Variants in ZFP36L1 observed in about 807,000 individuals in gnomAD.
ZFP36L1 encodes ZFP36 like 1 zinc finger CCCH-type.
A neutral mutation model predicts 16.7 loss-of-function variants in ZFP36L1; 4 were observed. The ratio of observed to expected loss-of-function variants is 0.24; its 90% CI spans 0.12 to 0.55. The LOEUF is 0.55. Ranked by LOEUF, ZFP36L1 falls within the 20% of genes least tolerant of loss-of-function variation. ZFP36L1 has a pLI of 0.94. For missense variants in ZFP36L1, 311 were observed against 449.2 expected, an observed-to-expected ratio of 0.69 and a Z score of 2.78; for synonymous variants, 220 against 190.8, an observed-to-expected ratio of 1.15 and a Z score of -1.26.
Position 68,793,046 on chromosome 14 carries a change from C to T in ZFP36L1, c.-108G>A. 1 of 1,595,544 alleles carries T rather than the reference C, an allele frequency of 6.3e-7. No individual in the cohort carries two copies. The highest frequency in any genetic ancestry group is 8.5e-7 in the Non-Finnish European group (1 of 1,174,404). Reference sequence around the variant, plus strand: ...TGGAGTCCCACACGCCAGTTCCCGGCGCCCCTCGCCTTTCTGACTCCGGGC... The same window carrying T: ...TGGAGTCCCACACGCCAGTTCCCGGTGCCCCTCGCCTTTCTGACTCCGGGC... On this transcript the variant is annotated 5_prime_UTR_variant, in exon 1 of 2. Transcript: ENST00000439696.
chr14:68,790,919 C>T (rs1895050847), intron 1 of ZFP36L1: 1 of 555,540 alleles, frequency 1.8e-6, no homozygotes, highest in Non-Finnish European at 3.2e-6. Flanking sequence ...AGGAGTCTAT[C>T]ATAGGCTACG....
At position 68,789,367 on chromosome 14, in the gene ZFP36L1, T is replaced by C; in HGVS notation, c.*166A>G. 1 of 974,342 alleles carries C rather than the reference T, an allele frequency of 1.0e-6. No homozygotes were observed. 60.4% of individuals were successfully genotyped at this position (974,342 alleles called of 1,614,324 possible). A position where few individuals can be genotyped will look rare whatever the true frequency, so the allele number is the denominator to read the frequency against. On this transcript the variant is annotated 3_prime_UTR_variant, in exon 2 of 2. Transcript: ENST00000439696. This position sits in a 1 kb window ranked among gnomAD's most constrained non-coding sequence, Gnocchi z 4.5. ...CTTGTCCTTATGTTAGGTGGGGTTA[T>C]GAGGGGGAGAGGGAGGGCACATTCT...
chr14:68,791,252 G>C (rs1425135111), intron 1 of ZFP36L1: 3 of 552,570 alleles, frequency 5.4e-6, no homozygotes, highest in Non-Finnish European at 9.6e-6. Context: ...TTAGTCTTTT[G>C]GCTGCAAGAG....
Position 68,792,974 on chromosome 14 carries a change from G to C in ZFP36L1, c.-36C>G. The stretch of plus-strand genomic sequence containing the variant: ...CGCGCGAGCCAGGGGCGAGGATCTG[G>C]TGTGTCGCGAAGGTCCCGGTGCGGG... On this transcript the variant is annotated 5_prime_UTR_variant, in exon 1 of 2. Transcript: ENST00000439696. The C allele has an allele frequency of 1.9e-6, 3 of 1,612,996 alleles. No individual in the cohort carries two copies. The highest frequency in any genetic ancestry group is 2.5e-6 in the Non-Finnish European group (3 of 1,179,806).
upstream of ZFP36L1, chr14:68,796,118 T>C (rs1261950897): frequency 7.3e-7 from 1 of 1,364,852 alleles, no homozygotes; most frequent in East Asian, 4.5e-5. Flanking sequence ...CCGGCTCCTC[T>C]GTCCCAGGCC....
chr14:68,792,882 CT>C lies in ZFP36L1; in HGVS notation c.56del (p.Lys19ArgfsTer61). On this transcript the variant is annotated frameshift_variant and splice_region_variant, in exon 1 of 2. Transcript: ENST00000439696. LOFTEE classifies it high-confidence loss of function. ...AAGCAAATGCTCCGCCCCCCTTTAC[CT>C]TGCATAAAACTTCGCTCAAGTCGAA... ...TIFDLSEVLCKGNKMLNYSAP... is the reference protein window; with the variant it reads ...TIFDLSEVLCXGNKMLNYSAP... The C allele has an allele frequency of 6.2e-7, 1 of 1,614,116 alleles. No homozygotes were observed. The highest frequency in any genetic ancestry group is 8.5e-7 in the Non-Finnish European group (1 of 1,179,986).
upstream of ZFP36L1, chr14:68,795,839 C>T (rs571444919): frequency 5.5e-6 from 3 of 543,180 alleles, no homozygotes; most frequent in African/African-American, 3.8e-5. Flanking sequence ...GAGGAGGGAG[C>T]GAGTCCCTTA....
In ZFP36L1 at chr14:68,790,358, C is replaced by G. The variant is rs1300704659; in HGVS notation, c.192G>C (p.Gln64His). The G allele has an allele frequency of 6.2e-7, 1 of 1,613,074 alleles. No individual in the cohort carries two copies. Among genetic ancestry groups the G allele is most frequent in the Non-Finnish European group, 8.5e-7 (1 of 1,179,684 alleles). ...CCTTGAGGCTGCTGAGGAGCTGGTTCTGGTGGAACTTGGAGCTGGGCAGGG... is the reference window on the plus strand; with the variant it reads ...CCTTGAGGCTGCTGAGGAGCTGGTTGTGGTGGAACTTGGAGCTGGGCAGGG... Reference protein sequence around the residue: ...SVTLPSSKFHQNQLLSSLKGE... With the variant: ...SVTLPSSKFHHNQLLSSLKGE... Residue 64 changes from glutamine to histidine, a missense_variant, in exon 2 of 2, where the codon CAG (glutamine) becomes CAC (histidine). By Grantham distance (24) the Gln-to-His change is conservative (BLOSUM62 0). This residue lies in a region of ZFP36L1 where 137 missense variants were observed against 142.6 expected (regional missense o/e 0.96). Transcript: ENST00000439696.
intron 1 of ZFP36L1, chr14:68,790,896 G>A (rs772832283): frequency 7.1e-6 from 4 of 560,748 alleles, no homozygotes; most frequent in South Asian, 2.3e-5. Context: ...ACAAAAACAG[G>A]TAAACCTCAG....
chr14:68,790,317 G>C lies in ZFP36L1; in HGVS notation c.233C>G (p.Ala78Gly), dbSNP rs137926803. ...GAAGCGGCTGTCTCGCGAGCTCAGA[G>C]CGGGGGCTGGCTCACCCTTGAGGCT... ...LSSLKGEPAP[A>G]LSSRDSRFRD... Residue 78 changes from alanine to glycine, a missense_variant, in exon 2 of 2, where the codon GCT becomes GGT. Ala to Gly is a moderately conservative substitution (Grantham distance 60). This residue lies in a region of ZFP36L1 where 137 missense variants were observed against 142.6 expected (regional missense o/e 0.96). Coordinates refer to ENST00000439696, the MANE Select transcript of ZFP36L1 (RefSeq NM_004926.4). 1 of 1,610,316 alleles carries C rather than the reference G, an allele frequency of 6.2e-7. No individual in the cohort carries two copies. The highest frequency in any genetic ancestry group is 1.3e-5 in the African/African-American group (1 of 75,040).
chr14:68,789,361 G>A lies in ZFP36L1; in HGVS notation c.*172C>T. 1.1e-6 allele frequency: 1 copy of A among 914,364 alleles called. No homozygotes were observed. Among genetic ancestry groups the A allele is most frequent in the Admixed American group, 2.9e-5 (1 of 34,698 alleles). The allele number at this position is 914,364 out of a possible 1,614,324, so 56.6% of individuals were successfully genotyped here. On this transcript the variant is annotated 3_prime_UTR_variant, in exon 2 of 2. Transcript: ENST00000439696. The surrounding 1 kb of genome is among the most constrained non-coding windows in gnomAD (Gnocchi z 4.5). The stretch of plus-strand genomic sequence containing the variant: ...AATTGACTTGTCCTTATGTTAGGTG[G>A]GGTTATGAGGGGGAGAGGGAGGGCA...
At chr14:68,792,154 T>G (rs1039895686) in intron 1 of ZFP36L1, among the ~76,000 whole-genome samples, 2 of 152,040 alleles carry the variant, frequency 1.3e-5, no homozygotes, top group Non-Finnish European at 2.9e-5. Flanking sequence ...CGCGGGACTC[T>G]CGAGTTCAAG....
chr14:68,791,135 C>A (rs1392766859), intron 1 of ZFP36L1: 2 of 694,100 alleles, frequency 2.9e-6, no homozygotes, highest in East Asian at 5.4e-5. Flanking sequence ...AAATAAAACT[C>A]TTTGCCCTAA....
In ZFP36L1 at chr14:68,790,512, G is replaced by C; in HGVS notation, c.58-20C>G. ...GTTACCCTGGAGAGAGAAGAGAAAG[G>C]ATGGTAAGGACAGAGGACATCCACC... On this transcript the variant is annotated intron_variant, in intron 1 of 1. Coordinates refer to ENST00000439696, the MANE Select transcript of ZFP36L1 (RefSeq NM_004926.4). 3 of 1,613,054 alleles carry C rather than the reference G, an allele frequency of 1.9e-6. No individual in the cohort carries two copies. The highest frequency in any genetic ancestry group is 1.7e-6 in the Non-Finnish European group (2 of 1,179,708).
chr14:68,792,092 A>G (rs2140211223), intron 1 of ZFP36L1, among the ~76,000 whole-genome samples: 1 of 152,292 alleles, frequency 6.6e-6, no homozygotes, highest in Admixed American at 6.5e-5. Flanking sequence ...TGCTTTTTCA[A>G]CACTGGCTGA....
At position 68,790,454 on chromosome 14, in the gene ZFP36L1, C is replaced by A; in HGVS notation, c.96G>T (p.Gly32=). 6.2e-7 allele frequency: 1 copy of A among 1,614,066 alleles called. No individual in the cohort carries two copies. The highest frequency in any genetic ancestry group is 8.5e-7 in the Non-Finnish European group (1 of 1,180,002). The change falls in exon 2 of 2, where the codon GGG becomes GGT. Residue 32 remains glycine (G), a synonymous_variant. Coordinates refer to ENST00000439696, the MANE Select transcript of ZFP36L1 (RefSeq NM_004926.4). The part of the protein sequence containing the change: ...KMLNYSAPSA[G]GCLLDRKAVG... Reference sequence around the variant, plus strand: ...CTGCCTTTCTGTCCAGCAGGCAACCCCCTGCACTGGGAGCACTATAGTTGA... The same window carrying A: ...CTGCCTTTCTGTCCAGCAGGCAACCACCTGCACTGGGAGCACTATAGTTGA...
chr14:68,792,964 C>T lies in ZFP36L1; in HGVS notation c.-26G>A, dbSNP rs139683444. 1.2e-4 allele frequency: 189 copies of T among 1,613,360 alleles called. 1 individual carries two copies. In the South Asian group the frequency reaches 1.2e-3, roughly 10 times the overall value. On this transcript the variant is annotated 5_prime_UTR_variant, in exon 1 of 2. Transcript: ENST00000439696. ...CCTGTGCGTTCGCGCGAGCCAGGGG[C>T]GAGGATCTGGTGTGTCGCGAAGGTC...
At position 68,788,078 on chromosome 14, in the gene ZFP36L1, A is replaced by G. The variant is rs1894960715; in HGVS notation, c.*1455T>C. The G allele has an allele frequency of 6.6e-6, 1 of 152,534 alleles. No homozygotes were observed. Among genetic ancestry groups the G allele is most frequent in the Admixed American group, 6.5e-5 (1 of 15,274 alleles). The allele number at this position is 152,534 out of a possible 1,614,324, so 9.4% of individuals were successfully genotyped here. ...ATTTGCAGTCCAACACAAAGGGGGG[A>G]ATTTCTAAAATAAATAATCCAACAG... On this transcript the variant is annotated 3_prime_UTR_variant, in exon 2 of 2. Coordinates refer to ENST00000439696, the MANE Select transcript of ZFP36L1 (RefSeq NM_004926.4).
At chr14:68,792,005 A>T (rs569175935) in intron 1 of ZFP36L1, among the ~76,000 whole-genome samples, 1 of 152,314 alleles carries the variant, frequency 6.6e-6, no homozygotes, top group East Asian at 1.9e-4. Context: ...GGAGGTTGGA[A>T]AGAAATTTAA....
Sources: allele counts gnomAD v4.1 joint callset (sites outside exome capture counted in the v4.1 genomes callset), GRCh38; gene constraint gnomAD v4.1.1; regional missense constraint gnomAD v4.1.1; non-coding constraint Gnocchi (gnomAD v3.1); transcripts MANE v1.5; gene names NCBI Gene and HGNC (gene_info 2026-07-23, HGNC 2026-07-21).